Variants in PPP1R3F observed in about 807,000 individuals in gnomAD.
PPP1R3F encodes protein phosphatase 1 regulatory subunit 3F.
A neutral mutation model predicts 24.2 loss-of-function variants in PPP1R3F; 29 were observed. The ratio of observed to expected loss-of-function variants is 1.20; its 90% CI spans 0.89 to 1.63. PPP1R3F has a LOEUF of 1.63. PPP1R3F is among the 40% of genes most tolerant of loss of function. The pLI is 0.00. For missense variants in PPP1R3F, 823 were observed against 729.3 expected (o/e 1.13, Z -1.48); for synonymous variants, 363 against 340.1 (o/e 1.07, Z -0.74).
chrX:49,280,234 T>TTTTTG (rs3060512), intron 1 of PPP1R3F, among the ~76,000 whole-genome samples: 44,485 of 106,594 alleles, frequency 0.42, 8,755 homozygotes, highest in Non-Finnish European at 0.57. Flanking sequence ...AGAAAAGGTG[T>TTTTTG]TTTTGTTTTG....
At chrX:49,278,581 A>AGGGCC (rs2066228467) in intron 1 of PPP1R3F, among the ~76,000 whole-genome samples, 1 of 111,849 alleles carries the variant, frequency 8.9e-6, no homozygotes, top group Non-Finnish European at 1.9e-5. Context: ...TAGTATTCTG[A>AGGGCC]TTCAAGTACC....
Position 49,270,434 on chromosome X carries a change from G to T in PPP1R3F, c.565G>T (p.Ala189Ser), listed in dbSNP as rs782676817. Reference protein sequence around the residue: ...VHVRASHDGWASFCDHPARYV... With the variant: ...VHVRASHDGWSSFCDHPARYV... ...CGTGCGGGCCTCACACGACGGCTGG[G>T]CTTCCTTTTGCGACCACCCAGCGCG... The change falls in exon 1 of 4, where the codon GCT (alanine) becomes TCT (serine). Residue 189 changes from alanine to serine, a missense_variant. Coordinates refer to ENST00000055335, the MANE Select transcript of PPP1R3F (RefSeq NM_033215.5). The T allele has an allele frequency of 6.7e-6, 8 of 1,194,460 alleles. No homozygotes were observed. Among genetic ancestry groups the T allele is most frequent in the Non-Finnish European group, 9.0e-6 (8 of 891,985 alleles).
At position 49,270,633 on chromosome X, in the gene PPP1R3F, A is replaced by C. The variant is rs1557118997; in HGVS notation, c.764A>C (p.Asp255Ala). The change falls in exon 1 of 4, where the codon GAT becomes GCT. Residue 255 changes from aspartate to alanine, a missense_variant. By Grantham distance (126) the Asp-to-Ala change is moderately radical. Transcript: ENST00000055335. ...FQLPFAEGAG[D>A]GARLDFVVRY... ...CTGCCCTTTGCTGAGGGCGCGGGCG[A>C]TGGGGCGCGCCTCGACTTCGTGGTG... 8.3e-7 allele frequency: 1 copy of C among 1,207,277 alleles called. No individual in the cohort carries two copies. Among genetic ancestry groups the C allele is most frequent in the Admixed American group, 2.2e-5 (1 of 45,941 alleles).
chrX:49,279,219 A>G (rs943941993), intron 1 of PPP1R3F, among the ~76,000 whole-genome samples: 8 of 111,158 alleles, frequency 7.2e-5, no homozygotes, highest in African/African-American at 2.3e-4. Flanking sequence ...GGAAGACCCC[A>G]TCTCTAAAAA....
downstream of PPP1R3F, among the ~76,000 whole-genome samples, chrX:49,292,104 A>C (rs1051330069): frequency 1.3e-4 from 15 of 111,555 alleles, no homozygotes; most frequent in Admixed American, 1.3e-3. Flanking sequence ...AAAGCCTCAG[A>C]GAAGACGGGA....
chrX:49,282,728 C>T (rs782733543), intron 3 of PPP1R3F, among the ~76,000 whole-genome samples: 2 of 104,287 alleles, frequency 1.9e-5, no homozygotes, highest in South Asian at 4.1e-4. Flanking sequence ...GAGAGTGGTG[C>T]GGGGTGAGGG....
chrX:49,290,528 C>A (rs2066305541), downstream of PPP1R3F, among the ~76,000 whole-genome samples: 1 of 111,391 alleles, frequency 9.0e-6, no homozygotes, highest in Non-Finnish European at 1.9e-5. Flanking sequence ...GTCACCCGTC[C>A]TAGACCAGCC....
chrX:49,299,933 T>C (rs1258327489), intron 3 of PPP1R3F, among the ~76,000 whole-genome samples: 1 of 112,306 alleles, frequency 8.9e-6, no homozygotes, highest in African/African-American at 3.2e-5. Flanking sequence ...TCAGTGGATC[T>C]TAGTTTGCTG....
chrX:49,286,784 T>C lies in PPP1R3F; in HGVS notation c.2094T>C (p.Leu698=), dbSNP rs782277354. 7.5e-6 allele frequency: 9 copies of C among 1,202,169 alleles called. No homozygotes were observed. Among genetic ancestry groups the C allele is most frequent in the Non-Finnish European group, 9.0e-6 (8 of 890,711 alleles). The part of the protein sequence containing the change: ...ISGKEPASPV[L]LQGQNPTLLS... ...GCAAGGAGCCAGCCTCTCCCGTCCT[T>C]CTGCAGGGGCAAAATCCCACCCTCC... Residue 698 remains leucine (L), a synonymous_variant, in exon 4 of 4, where the codon CTT becomes CTC. Transcript: ENST00000055335.
At chrX:49,284,352 T>C (rs986094986) in intron 3 of PPP1R3F, among the ~76,000 whole-genome samples, 1 of 110,550 alleles carries the variant, frequency 9.0e-6, no homozygotes, top group Non-Finnish European at 1.9e-5. Context: ...TTATTTTCTT[T>C]TTCTTTTTCT....
downstream of PPP1R3F, chrX:49,288,155 A>G (rs1005159354): frequency 8.9e-6 from 1 of 112,611 alleles, no homozygotes; most frequent in African/African-American, 3.2e-5. Flanking sequence ...TATCTATACG[A>G]GCTTTCTTCA....
intron 3 of PPP1R3F, among the ~76,000 whole-genome samples, chrX:49,293,854 G>A (rs1243744488): frequency 9.0e-6 from 1 of 111,207 alleles, no homozygotes; most frequent in Non-Finnish European, 1.9e-5. Context: ...AATTAGCTAG[G>A]CATGGTGGCA....
chrX:49,279,224 TAAAAACAAAATACAA>T lies in PPP1R3F; in HGVS notation c.1005-2171_1005-2157del, dbSNP rs1399238254. 1.8e-4 allele frequency among the ~76,000 whole-genome samples: 20 copies of T among 111,217 alleles called. No individual in the cohort carries two copies. The Admixed American group carries it at 1.9e-3, about 11-fold the overall frequency. ...GGTCAACGTAGGAAGACCCCATCTCTAAAAACAAAATACAAAAAAACAAAAACAAAAACCAAAAAA... is the reference window on the plus strand; with the variant it reads ...GGTCAACGTAGGAAGACCCCATCTCTAAAAACAAAAACAAAAACCAAAAAA... On this transcript the variant is annotated intron_variant, in intron 1 of 3. Coordinates refer to ENST00000055335, the MANE Select transcript of PPP1R3F (RefSeq NM_033215.5).
At chrX:49,279,245 C>T (rs1557120355) in intron 1 of PPP1R3F, among the ~76,000 whole-genome samples, 1 of 111,402 alleles carries the variant, frequency 9.0e-6, no homozygotes, top group Non-Finnish European at 1.9e-5. Context: ...TACAAAAAAA[C>T]AAAAACAAAA....
At chrX:49,274,668 G>C (rs1269916047) in intron 1 of PPP1R3F, 1 of 112,049 alleles carries the variant, frequency 8.9e-6, no homozygotes, top group Admixed American at 9.4e-5. Context: ...GATGAACATC[G>C]CCACCAGTCG....
At position 49,286,044 on chromosome X, in the gene PPP1R3F, C is replaced by A; in HGVS notation, c.1354C>A (p.Gln452Lys). Residue 452 changes from glutamine to lysine, a missense_variant, in exon 4 of 4, where the codon CAG (glutamine) becomes AAG (lysine). Transcript: ENST00000055335. ...GATGPFLEPS[Q>K]QQAEATWGVS... ...CACCGGGCCTTTCCTGGAGCCCAGT[C>A]AGCAGCAGGCAGAGGCCACATGGGG... 8.5e-7 allele frequency: 1 copy of A among 1,174,949 alleles called. No individual in the cohort carries two copies. Among genetic ancestry groups the A allele is most frequent in the Non-Finnish European group, 1.1e-6 (1 of 874,775 alleles).
rs782136082 is a variant in PPP1R3F, at chrX:49,281,665, TA to T, written c.1060+220del. Among the ~76,000 whole-genome samples, 730 of 92,331 alleles carry T rather than the reference TA, an allele frequency of 7.9e-3. 1 individual carries two copies. The highest frequency in any genetic ancestry group is 9.2e-3 in the Admixed American group (79 of 8,544). 80.2% of individuals were successfully genotyped at this position (92,331 alleles called of 115,157 possible). A position where few individuals can be genotyped will look rare whatever the true frequency, so the allele number is the denominator to read the frequency against. On this transcript the variant is annotated intron_variant, in intron 2 of 3. Coordinates refer to ENST00000055335, the MANE Select transcript of PPP1R3F (RefSeq NM_033215.5). Reference sequence around the variant, plus strand: ...GGCAACATAGTGAGACCTCATCTCTTAAAAAAAAAAAAAAAAGACGGGCATG... The same window carrying T: ...GGCAACATAGTGAGACCTCATCTCTTAAAAAAAAAAAAAAAGACGGGCATG...
At position 49,287,131 on chromosome X, in the gene PPP1R3F, A is replaced by G. The variant is rs782366082; in HGVS notation, c.*41A>G. On this transcript the variant is annotated 3_prime_UTR_variant, in exon 4 of 4. Transcript: ENST00000055335. ...TCAGCAGAGGCTTAAGATGGGATAC[A>G]TGGCCTGTGCAGTGAGGGGACCTGG... The G allele has an allele frequency of 1.7e-6, 2 of 1,179,847 alleles. No homozygotes were observed. The highest frequency in any genetic ancestry group is 3.0e-5 in the East Asian group (1 of 33,695).
At chrX:49,290,534 C>T (rs2066305558), downstream of PPP1R3F, among the ~76,000 whole-genome samples, 1 of 111,289 alleles carries the variant, frequency 9.0e-6, no homozygotes, top group South Asian at 3.8e-4. Flanking sequence ...CGTCCTAGAC[C>T]AGCCTCAGTT....
Sources: allele counts gnomAD v4.1 joint callset (sites outside exome capture counted in the v4.1 genomes callset), GRCh38; gene constraint gnomAD v4.1.1; transcripts MANE v1.5; gene names NCBI Gene and HGNC (gene_info 2026-07-23, HGNC 2026-07-21).